Variants in CTNND2 observed in about 807,000 individuals in gnomAD.
CTNND2 encodes catenin delta 2.
CTNND2 carries 22 observed loss-of-function variants against 144.4 expected under a neutral mutation model. That is an observed-to-expected ratio of 0.15 (90% CI 0.11 to 0.22). The LOEUF (loss-of-function observed/expected upper bound fraction) is 0.22, where lower values mean the gene tolerates loss of function less well. Ranked by LOEUF, CTNND2 falls within the 10% of genes least tolerant of loss-of-function variation. The probability of loss-of-function intolerance (pLI) is 1.00; values close to 1 mark genes in which losing one functional copy is unlikely to be tolerated. For synonymous variants in CTNND2, 751 were observed against 695.6 expected, an observed-to-expected ratio of 1.08 and a Z score of -1.25; for missense variants, 1,353 against 1,618.8, an observed-to-expected ratio of 0.84 and a Z score of 2.82.
At chr5:11,589,447 T>C (rs113623482) in intron 2 of CTNND2, among the ~76,000 whole-genome samples, 2 of 152,308 alleles carry the variant, frequency 1.3e-5, no homozygotes, top group African/African-American at 4.8e-5. Context: ...CAGTCCGGTT[T>C]TGGTTTCAAA....
chr5:11,636,591 C>T (rs1217461577), intron 2 of CTNND2, among the ~76,000 whole-genome samples: 1 of 152,158 alleles, frequency 6.6e-6, no homozygotes, highest in Admixed American at 6.6e-5. Context: ...GATTTTCCAA[C>T]CTCTGGTACA....
chr5:11,617,494 A>G (rs1780635109), intron 2 of CTNND2, among the ~76,000 whole-genome samples: 1 of 152,234 alleles, frequency 6.6e-6, no homozygotes, highest in Non-Finnish European at 1.5e-5. Flanking sequence ...ATACTATAAC[A>G]GGTACACACA....
At chr5:11,344,416 C>A (rs1213385710) in intron 9 of CTNND2, among the ~76,000 whole-genome samples, 1 of 151,842 alleles carries the variant, frequency 6.6e-6, no homozygotes, top group Non-Finnish European at 1.5e-5. Context: ...CATGTTGAGA[C>A]ATTCCTTAAT....
At chr5:11,118,579 CT>C (rs1487164098) in intron 12 of CTNND2, among the ~76,000 whole-genome samples, 12 of 152,158 alleles carry the variant, frequency 7.9e-5, no homozygotes, top group Non-Finnish European at 1.5e-4. Flanking sequence ...CTTGCATATC[CT>C]TGGTGATGCT....
intron 3 of CTNND2, among the ~76,000 whole-genome samples, chr5:11,549,566 A>T (rs977585090): frequency 6.6e-6 from 1 of 152,128 alleles, no homozygotes. Context: ...CTTTAAACAC[A>T]TTCAAACAAT....
At chr5:11,447,769 T>C (rs1051952234) in intron 3 of CTNND2, among the ~76,000 whole-genome samples, 1 of 152,054 alleles carries the variant, frequency 6.6e-6, no homozygotes, top group African/African-American at 2.4e-5. Flanking sequence ...ACTCAAGTGG[T>C]TGTTACAGCC....
intron 5 of CTNND2, among the ~76,000 whole-genome samples, chr5:11,405,334 T>C (rs1049990957): frequency 1.3e-5 from 2 of 152,224 alleles, no homozygotes; most frequent in South Asian, 2.1e-4. Flanking sequence ...AATTCTTAGG[T>C]TTGCCTCTGA....
At chr5:11,752,154 C>T (rs4476722) in intron 1 of CTNND2, among the ~76,000 whole-genome samples, 145,678 of 151,984 alleles carry the variant, frequency 0.96, 70,109 homozygotes, top group East Asian at 1. Flanking sequence ...TTCTGTACGC[C>T]GTCTGTTTAC....
chr5:11,310,288 C>A (rs992548517), intron 9 of CTNND2, among the ~76,000 whole-genome samples: 1 of 152,010 alleles, frequency 6.6e-6, no homozygotes. Context: ...TGTGCACAGG[C>A]CTGGCACCTA....
At chr5:11,661,451 T>C (rs1280854112) in intron 2 of CTNND2, among the ~76,000 whole-genome samples, 1 of 152,160 alleles carries the variant, frequency 6.6e-6, no homozygotes. Context: ...TTGCAACATC[T>C]ACTTAACCTT....
At chr5:11,247,407 C>G (rs1423261860) in intron 9 of CTNND2, among the ~76,000 whole-genome samples, 1 of 152,192 alleles carries the variant, frequency 6.6e-6, no homozygotes, top group African/African-American at 2.4e-5. Flanking sequence ...CACTGGGGGC[C>G]TGGGCCCACT....
intron 2 of CTNND2, among the ~76,000 whole-genome samples, chr5:11,707,062 G>T (rs1785746710): frequency 6.6e-6 from 1 of 151,016 alleles, no homozygotes; most frequent in African/African-American, 2.4e-5. Context: ...CTCCAGCCTG[G>T]GAGACAGAGC....
At chr5:11,761,946 T>G (rs1789288301) in intron 1 of CTNND2, among the ~76,000 whole-genome samples, 5 of 151,938 alleles carry the variant, frequency 3.3e-5, no homozygotes, top group Admixed American at 3.3e-4. Flanking sequence ...AATTGAAAAA[T>G]GAAAGGACCA....
At chr5:11,855,853 G>C (rs1225293780) in intron 1 of CTNND2, among the ~76,000 whole-genome samples, 1 of 152,198 alleles carries the variant, frequency 6.6e-6, no homozygotes, top group Non-Finnish European at 1.5e-5. Context: ...GGGGATGGAG[G>C]TCATAGTCTG....
chr5:11,622,391 T>C (rs548975297), intron 2 of CTNND2, among the ~76,000 whole-genome samples: 85 of 152,272 alleles, frequency 5.6e-4, no homozygotes, highest in African/African-American at 1.7e-3. Flanking sequence ...AAACATCAAT[T>C]GCATGCAACT....
chr5:11,115,050 G>A (rs1315403230), intron 13 of CTNND2, among the ~76,000 whole-genome samples: 1 of 152,218 alleles, frequency 6.6e-6, no homozygotes, highest in African/African-American at 2.4e-5. Flanking sequence ...AGTGGGAGGT[G>A]GAGATGGCAC....
At chr5:11,599,842 T>C (rs1171575438) in intron 2 of CTNND2, among the ~76,000 whole-genome samples, 2 of 152,158 alleles carry the variant, frequency 1.3e-5, no homozygotes, top group Middle Eastern at 3.2e-3. Flanking sequence ...GAGAGTCTTA[T>C]TGCATGCCCA....
intron 9 of CTNND2, among the ~76,000 whole-genome samples, chr5:11,271,019 A>T (rs528529724): frequency 6.0e-4 from 91 of 152,328 alleles, no homozygotes; most frequent in African/African-American, 2.1e-3. Flanking sequence ...GTTCTATTTT[A>T]AAAAATGTTT....
chr5:11,690,617 TCCCAGCTAC>T (rs1784858737), intron 2 of CTNND2, among the ~76,000 whole-genome samples: 1 of 151,650 alleles, frequency 6.6e-6, no homozygotes, highest in Admixed American at 6.6e-5. Context: ...GCGCCTGTAG[TCCCAGCTAC>T]TCGAGAGGCT....
Sources: allele counts gnomAD v4.1 joint callset (sites outside exome capture counted in the v4.1 genomes callset), GRCh38; gene constraint gnomAD v4.1.1; transcripts MANE v1.5; gene names NCBI Gene and HGNC (gene_info 2026-07-23, HGNC 2026-07-21).